NRDC: variants seen among roughly 807,000 people sequenced by gnomAD.
The protein encoded by NRDC is nardilysin.
In NRDC, 54 loss-of-function variants were observed where a neutral mutation model predicts 147.1. That is an observed-to-expected ratio of 0.37 (90% CI 0.29 to 0.46). The LOEUF is 0.46. Ranked by LOEUF, NRDC falls within the 20% of genes least tolerant of loss-of-function variation. NRDC has a pLI of 1.00. For missense variants in NRDC, 1,082 were observed against 1,370.6 expected, an observed-to-expected ratio of 0.79 and a Z score of 3.33; for synonymous variants, 440 against 482.1, an observed-to-expected ratio of 0.91 and a Z score of 1.14.
chr1:51,844,148 C>T (rs2149226436), intron 1 of NRDC, among the ~76,000 whole-genome samples: 1 of 152,220 alleles, frequency 6.6e-6, no homozygotes, highest in Admixed American at 6.5e-5. Flanking sequence ...TCCACCACCA[C>T]CATCCCCCGA....
intron 6 of NRDC, 145 bp from the exon 7 acceptor site, chr1:51,823,931 G>A (rs911036158): frequency 6.1e-6 from 3 of 494,844 alleles, no homozygotes; most frequent in South Asian, 4.0e-5. Context: ...GTGCAATAAT[G>A]TATTAATATT....
chr1:51,818,670 GA>G (rs1341622887), intron 9 of NRDC, among the ~76,000 whole-genome samples: 2 of 152,126 alleles, frequency 1.3e-5, no homozygotes, highest in African/African-American at 4.8e-5. Flanking sequence ...AATATTAACA[GA>G]ATGGAGCCAG....
intron 2 of NRDC, chr1:51,836,413 C>G: frequency 6.2e-7 from 1 of 1,613,882 alleles, no homozygotes; most frequent in Non-Finnish European, 8.5e-7. Flanking sequence ...GCTTGCCATC[C>G]TGCCAAATGC....
intron 17 of NRDC, 25 bp from the exon 18 acceptor site, chr1:51,806,938 TC>T: frequency 6.2e-7 from 1 of 1,606,684 alleles, no homozygotes; most frequent in South Asian, 1.1e-5. Context: ...TAATAATAAT[TC>T]ACTCAAGTAT....
rs1314541074 is a variant in NRDC, at chr1:51,789,656, A to ATCTT, written c.3169-3_3169dup (p.Ile1057LysfsTer3). On this transcript the variant is annotated frameshift_variant and splice_region_variant, in exon 30 of 31. Transcript: ENST00000352171. LOFTEE classifies it high-confidence loss of function. ...TTTTGAGAATGACTTCAGTGCTTCA[A>ATCTT]TCTTACAAGGGAAGGGAAGATAGGA... 3.1e-6 allele frequency: 5 copies of ATCTT among 1,608,292 alleles called. No homozygotes were observed. In the African/African-American group the frequency reaches 4.0e-5, roughly 13 times the overall value.
At chr1:51,806,689 CACAAAGGAAGATCAA>C (rs1679479867) in intron 18 of NRDC, 90 bp downstream of exon 18, 1 of 1,260,984 alleles carries the variant, frequency 7.9e-7, no homozygotes. Context: ...CAGCCTCCTC[CACAAAGGAAGATCAA>C]AATAGCAAGT....
chr1:51,854,317 G>A (rs1232398906), intron 1 of NRDC, among the ~76,000 whole-genome samples: 5 of 152,144 alleles, frequency 3.3e-5, no homozygotes, highest in Non-Finnish European at 5.9e-5. Flanking sequence ...ACAGTGAGCC[G>A]AGATCATGCC....
intron 7 of NRDC, among the ~76,000 whole-genome samples, chr1:51,822,935 C>T (rs192211087): frequency 6.6e-6 from 1 of 152,192 alleles, no homozygotes; most frequent in Admixed American, 6.5e-5. Flanking sequence ...AGGGGAATCA[C>T]ATTAGGGTGA....
intron 19 of NRDC, 116 bp from the exon 20 acceptor site, chr1:51,804,080 C>T: frequency 1.1e-6 from 1 of 882,248 alleles, no homozygotes; most frequent in Non-Finnish European, 1.7e-6. Context: ...TTCTCTACTC[C>T]AGAATGTAAA....
intron 1 of NRDC, among the ~76,000 whole-genome samples, chr1:51,851,391 C>A (rs896951606): frequency 2.0e-5 from 3 of 151,656 alleles, no homozygotes; most frequent in Admixed American, 6.6e-5. Context: ...TAACACCTGG[C>A]CAAGGCATTA....
rs563685186 is a variant in NRDC, at chr1:51,839,283, T to G, written c.630+943A>C. Among the ~76,000 whole-genome samples, 4 of 151,382 alleles carry G rather than the reference T, an allele frequency of 2.6e-5. No homozygotes were observed. The East Asian group carries it at 7.8e-4, about 30-fold the overall frequency. On this transcript the variant is annotated intron_variant, in intron 2 of 30. Transcript: ENST00000352171. ...TCAGGTGATCCTCCCATCTTCAGCCTGTCAAGTAGCTGGAACCACAGGCAT... is the reference window on the plus strand; with the variant it reads ...TCAGGTGATCCTCCCATCTTCAGCCGGTCAAGTAGCTGGAACCACAGGCAT...
rs1032403041 is a variant in NRDC at position 51,836,495 on chromosome 1, A to C, written c.631-283T>G. ...AAAGGGAAGAGGGACTGGACAGCCCACCCAAATATCATTTCATGTCAGCAT... is the reference window on the plus strand; with the variant it reads ...AAAGGGAAGAGGGACTGGACAGCCCCCCCAAATATCATTTCATGTCAGCAT... On this transcript the variant is annotated intron_variant, in intron 2 of 30. Coordinates refer to ENST00000352171, the MANE Select transcript of NRDC (RefSeq NM_001101662.2). 6 of 1,405,346 alleles carry C rather than the reference A, an allele frequency of 4.3e-6. No homozygotes were observed. In the African/African-American group the frequency reaches 8.5e-5, roughly 20 times the overall value. 87.1% of individuals were successfully genotyped at this position (1,405,346 alleles called of 1,614,324 possible). A position where few individuals can be genotyped will look rare whatever the true frequency, so the allele number is the denominator to read the frequency against.
Position 51,878,699 on chromosome 1 carries a change from G to A in NRDC, c.-84C>T, listed in dbSNP as rs532521774. On this transcript the variant is annotated 5_prime_UTR_variant, in exon 1 of 31. Coordinates refer to ENST00000352171, the MANE Select transcript of NRDC (RefSeq NM_001101662.2). ...CTAGAGGCGGTGGCGGCCGGCCCTG[G>A]TGCTGCCGCAGCCGCGGGGAACAGG... The A allele has an allele frequency of 1.6e-6, 2 of 1,260,758 alleles. No homozygotes were observed. The highest frequency in any genetic ancestry group is 2.8e-5 in the South Asian group (2 of 71,934). 78.1% of individuals were successfully genotyped at this position (1,260,758 alleles called of 1,614,324 possible).
Position 51,814,598 on chromosome 1 carries a change from A to G in NRDC, c.1572T>C (p.Thr524=), listed in dbSNP as rs777245008. Reference sequence around the variant, plus strand: ...GCAGCATTTTTAAATACTGAAAGACAGTGTAAGCAACCTGAAAACAAAACA... The same window carrying G: ...GCAGCATTTTTAAATACTGAAAGACGGTGTAAGCAACCTGAAAACAAAACA... ...GYEHFYEVAY[T]VFQYLKMLQK... The change falls in exon 13 of 31, where the codon ACT becomes ACC. Residue 524 remains threonine (T), a synonymous_variant. Coordinates refer to ENST00000352171, the MANE Select transcript of NRDC (RefSeq NM_001101662.2). 9.9e-6 allele frequency: 16 copies of G among 1,613,218 alleles called. No individual in the cohort carries two copies. The South Asian group carries it at 1.3e-4, about 13-fold the overall frequency.
At chr1:51,878,169 T>A in intron 1 of NRDC, 106 bp downstream of exon 1, 1 of 1,442,930 alleles carries the variant, frequency 6.9e-7, no homozygotes, top group Non-Finnish European at 9.3e-7. Flanking sequence ...GGGTGGAAAG[T>A]GTGCCCTGTT....
intron 1 of NRDC, among the ~76,000 whole-genome samples, chr1:51,844,534 A>G (rs1014416668): frequency 6.6e-6 from 1 of 151,866 alleles, no homozygotes; most frequent in Non-Finnish European, 1.5e-5. Flanking sequence ...TGAGGTCAGG[A>G]TATCAAGACC....
chr1:51,813,914 C>T (rs193162459), intron 14 of NRDC, 121 bp downstream of exon 14: 2 of 702,960 alleles, frequency 2.8e-6, no homozygotes, highest in East Asian at 2.6e-5. Flanking sequence ...CACCTGGAGA[C>T]TCACATGACA....
At chr1:51,821,133 T>TTTCAGAACACAAAAACAAAA (rs1680190795) in intron 8 of NRDC, among the ~76,000 whole-genome samples, 4 of 152,074 alleles carry the variant, frequency 2.6e-5, no homozygotes, top group African/African-American at 9.7e-5. Flanking sequence ...AAAAAACAAA[T>TTTCAGAACACAAAAACAAAA]TTTCAGAACA....
intron 1 of NRDC, among the ~76,000 whole-genome samples, chr1:51,854,105 C>T (rs1477353239): frequency 1.3e-5 from 2 of 152,184 alleles, no homozygotes; most frequent in Admixed American, 6.5e-5. Flanking sequence ...GGCGGTGGCT[C>T]ACACCTGTAA....
Sources: gnomAD v4.1 joint callset for allele counts (sites outside exome capture counted in the v4.1 genomes callset) on GRCh38, gnomAD v4.1.1 for gene constraint, MANE v1.5 for transcripts, NCBI Gene and HGNC (gene_info 2026-07-23, HGNC 2026-07-21) for gene names.